TBC1D12: variants seen among roughly 807,000 people sequenced by gnomAD.
The protein encoded by TBC1D12 is TBC1 domain family member 12.
Under a neutral mutation model 86.7 loss-of-function variants are expected in TBC1D12, and 56 were observed. That is an observed-to-expected ratio of 0.65 (90% CI 0.52 to 0.81). The LOEUF (loss-of-function observed/expected upper bound fraction) is 0.81. TBC1D12 is among the 30% of genes least tolerant of loss of function. TBC1D12 has a pLI of 0.00. For synonymous variants in TBC1D12, 421 were observed against 411.7 expected (o/e 1.02, Z -0.27); for missense variants, 1,023 against 1,038.8 (o/e 0.98, Z 0.21).
chr10:94,462,882 C>T (rs2055750732), intron 2 of TBC1D12, among the ~76,000 whole-genome samples: 1 of 152,006 alleles, frequency 6.6e-6, no homozygotes, highest in South Asian at 2.1e-4. Flanking sequence ...ATTTTCACTT[C>T]TTGTTTTTTG....
chr10:94,522,653 T>A (rs1224057935), intron 11 of TBC1D12, among the ~76,000 whole-genome samples, 200 bp downstream of exon 11: 1 of 152,066 alleles, frequency 6.6e-6, no homozygotes, highest in African/African-American at 2.4e-5. Context: ...GTGGCTCATG[T>A]CTGTAATCCG....
At chr10:94,414,348 G>A (rs1322987612) in intron 1 of TBC1D12, among the ~76,000 whole-genome samples, 4 of 152,200 alleles carry the variant, frequency 2.6e-5, no homozygotes, top group East Asian at 1.9e-4. Context: ...GAAGATATTC[G>A]TAGAGAGAGA....
chr10:94,475,217 G>A (rs1273575033), intron 3 of TBC1D12, among the ~76,000 whole-genome samples: 2 of 152,126 alleles, frequency 1.3e-5, no homozygotes, highest in Non-Finnish European at 2.9e-5. Context: ...ACATGATAGG[G>A]CAGTTATTCT....
chr10:94,451,573 T>C (rs1403402028), intron 2 of TBC1D12, among the ~76,000 whole-genome samples: 1 of 152,174 alleles, frequency 6.6e-6, no homozygotes, highest in Non-Finnish European at 1.5e-5. Context: ...TGTTCCCTGC[T>C]GAAATTTCAA....
At chr10:94,481,801 A>T (rs58651089) in intron 3 of TBC1D12, among the ~76,000 whole-genome samples, 66,904 of 150,062 alleles carry the variant, frequency 0.45, 15,139 homozygotes, top group East Asian at 0.79. Flanking sequence ...TTTTTTTTTT[A>T]AATTTCATTT....
At chr10:94,447,298 C>T (rs1205301795) in intron 2 of TBC1D12, among the ~76,000 whole-genome samples, 1 of 151,688 alleles carries the variant, frequency 6.6e-6, no homozygotes, top group Non-Finnish European at 1.5e-5. Flanking sequence ...TGAAATGTCA[C>T]CATATTTAAT....
chr10:94,447,694 C>T, intron 2 of TBC1D12: 1 of 984,230 alleles, frequency 1.0e-6, no homozygotes, highest in Non-Finnish European at 1.2e-6. Flanking sequence ...AAAATTGAAT[C>T]TGTTAATTAT....
At chr10:94,434,208 T>C (rs1010143064) in intron 1 of TBC1D12, among the ~76,000 whole-genome samples, 13 of 152,056 alleles carry the variant, frequency 8.5e-5, no homozygotes, top group Non-Finnish European at 1.3e-4. Flanking sequence ...AGCTATGGAT[T>C]AAAAATATGA....
At chr10:94,499,949 TA>T (rs1394515128) in intron 5 of TBC1D12, among the ~76,000 whole-genome samples, 1 of 152,220 alleles carries the variant, frequency 6.6e-6, no homozygotes, top group Non-Finnish European at 1.5e-5. Context: ...GTTTTTTAAA[TA>T]ATTGACTGCA....
intron 1 of TBC1D12, among the ~76,000 whole-genome samples, chr10:94,414,685 C>T (rs552946611): frequency 2.6e-5 from 4 of 151,800 alleles, no homozygotes; most frequent in Admixed American, 6.6e-5. Context: ...CTGCCACCTC[C>T]GCTTCCCAGG....
At chr10:94,485,841 G>A (rs574710485) in intron 3 of TBC1D12, among the ~76,000 whole-genome samples, 27 of 151,956 alleles carry the variant, frequency 1.8e-4, no homozygotes, top group African/African-American at 6.0e-4. Flanking sequence ...TTCAATCTTG[G>A]TAGGTTGTAT....
chr10:94,524,737 A>AG (rs1375931963), intron 11 of TBC1D12, among the ~76,000 whole-genome samples: 1 of 152,006 alleles, frequency 6.6e-6, no homozygotes, highest in East Asian at 1.9e-4. Flanking sequence ...TTAAAAAAAA[A>AG]AAAAAAAAGA....
At chr10:94,439,256 A>G (rs1246625652) in intron 1 of TBC1D12, among the ~76,000 whole-genome samples, 1 of 152,156 alleles carries the variant, frequency 6.6e-6, no homozygotes, top group African/African-American at 2.4e-5. Context: ...TTTGTAGATC[A>G]TGTTTTTGTG....
At chr10:94,419,800 C>G (rs2055050794) in intron 1 of TBC1D12, among the ~76,000 whole-genome samples, 1 of 152,100 alleles carries the variant, frequency 6.6e-6, no homozygotes. Context: ...ACATTTAATA[C>G]CAAACAGAGC....
chr10:94,476,134 T>C (rs2055985000), intron 3 of TBC1D12, among the ~76,000 whole-genome samples: 1 of 152,086 alleles, frequency 6.6e-6, no homozygotes, highest in African/African-American at 2.4e-5. Flanking sequence ...TCTCTTTTTT[T>C]TTTTAAATGT....
intron 2 of TBC1D12, among the ~76,000 whole-genome samples, chr10:94,463,084 T>A (rs56020662): frequency 0.36 from 55,091 of 152,120 alleles, 10,610 homozygotes; most frequent in East Asian, 0.7. Flanking sequence ...GTTTTCATTT[T>A]CAATCAATGA....
At chr10:94,476,742 T>C (rs2055993310) in intron 3 of TBC1D12, among the ~76,000 whole-genome samples, 1 of 152,218 alleles carries the variant, frequency 6.6e-6, no homozygotes, top group African/African-American at 2.4e-5. Context: ...TTCTAGACGG[T>C]GTTGGGGACA....
intron 1 of TBC1D12, among the ~76,000 whole-genome samples, chr10:94,433,018 G>A (rs1177815068): frequency 2.0e-5 from 3 of 152,004 alleles, no homozygotes; most frequent in Admixed American, 6.6e-5. Context: ...CAGCCTGGCC[G>A]ACATGGTAAA....
chr10:94,435,610 A>C (rs2055282823), intron 1 of TBC1D12, among the ~76,000 whole-genome samples: 1 of 152,030 alleles, frequency 6.6e-6, no homozygotes, highest in Non-Finnish European at 1.5e-5. Context: ...TTTGTCATTT[A>C]TGTGTGTTGG....
Sources: allele counts gnomAD v4.1 joint callset (sites outside exome capture counted in the v4.1 genomes callset), GRCh38; gene constraint gnomAD v4.1.1; transcripts MANE v1.5; gene names NCBI Gene and HGNC (gene_info 2026-07-23, HGNC 2026-07-21).